Variants in SOX6 observed in about 807,000 individuals in gnomAD.
SOX6 encodes transcription factor SOX-6.
In SOX6, 11 loss-of-function variants were observed where a neutral mutation model predicts 97.8. The ratio of observed to expected loss-of-function variants is 0.11; its 90% CI spans 0.07 to 0.19. The LOEUF (loss-of-function observed/expected upper bound fraction) is 0.19, where lower values mean the gene tolerates loss of function less well. SOX6 is among the 10% of genes least tolerant of loss of function. SOX6 has a pLI of 1.00. For synonymous variants in SOX6, 360 were observed against 371.4 expected (o/e 0.97, Z 0.35); for missense variants, 810 against 1,039.5 (o/e 0.78, Z 3.04).
intron 1 of SOX6, among the ~76,000 whole-genome samples, chr11:16,440,383 C>T (rs561774809): frequency 1.3e-5 from 2 of 152,228 alleles, no homozygotes; most frequent in East Asian, 1.9e-4. Context: ...TAATTTCTAG[C>T]GCAGCCCACA....
intron 2 of SOX6, among the ~76,000 whole-genome samples, chr11:16,327,392 T>C (rs1856134401): frequency 6.6e-6 from 1 of 152,124 alleles, no homozygotes; most frequent in Non-Finnish European, 1.5e-5. Context: ...TGATAACCAC[T>C]GGCACCTTTT....
chr11:16,186,948 A>T lies in SOX6; in HGVS notation c.543T>A (p.Pro181=). 1 of 1,613,802 alleles carries T rather than the reference A, an allele frequency of 6.2e-7. No individual in the cohort carries two copies. The highest frequency in any genetic ancestry group is 8.5e-7 in the Non-Finnish European group (1 of 1,179,794). The change falls in exon 5 of 16, where the codon CCT becomes CCA. Residue 181 remains proline, a synonymous_variant. Coordinates refer to ENST00000683767, the MANE Select transcript of SOX6 (RefSeq NM_001367873.1). ...GCCGTTCTTTTTCTGCCAGGCTCTCAGGTGTACCTAAAATGGAAGCAAGAA... is the reference window on the plus strand; with the variant it reads ...GCCGTTCTTTTTCTGCCAGGCTCTCTGGTGTACCTAAAATGGAAGCAAGAA... The part of the protein sequence containing the change: ...SELLGEIKGT[P]ESLAEKERQL...
intron 3 of SOX6, among the ~76,000 whole-genome samples, chr11:16,308,879 G>C (rs1046383344): frequency 2.6e-5 from 4 of 152,154 alleles, no homozygotes; most frequent in African/African-American, 9.7e-5. Flanking sequence ...GTTGTATTCA[G>C]ATACAACAAA....
At chr11:15,993,024 C>A (rs1854102123) in intron 13 of SOX6, among the ~76,000 whole-genome samples, 2 of 151,962 alleles carry the variant, frequency 1.3e-5, no homozygotes, top group Admixed American at 6.6e-5. Context: ...AGAAAGTGTC[C>A]CTAAACTTTG....
intron 3 of SOX6, among the ~76,000 whole-genome samples, chr11:16,245,643 ATAT>A (rs1196635970): frequency 6.6e-6 from 1 of 151,730 alleles, no homozygotes; most frequent in East Asian, 1.9e-4. Flanking sequence ...ATATGCAGAA[ATAT>A]TATGTCTTCT....
intron 1 of SOX6, among the ~76,000 whole-genome samples, chr11:16,451,777 G>A (rs1859720081): frequency 1.3e-5 from 2 of 152,000 alleles, no homozygotes; most frequent in Non-Finnish European, 2.9e-5. Flanking sequence ...GCTGGCTGAT[G>A]CCTCCCAACA....
In SOX6 at chr11:16,605,726, AT is replaced by A. The variant is rs761305103; in HGVS notation, n.609+6354del. The stretch of plus-strand genomic sequence containing the variant: ...AAACAGCCTAAGTTTCCAAACCGAA[AT>A]GGGGGTGGGGTGGGGGTAGCATTAA... On this transcript the variant is annotated intron_variant and non_coding_transcript_variant, in intron 4 of 5. Transcript: ENST00000524520. This position sits in a 1 kb window ranked among gnomAD's most constrained non-coding sequence, Gnocchi z 5.3. 2.0e-5 allele frequency among the ~76,000 whole-genome samples: 3 copies of A among 151,506 alleles called. No individual in the cohort carries two copies. Among genetic ancestry groups the A allele is most frequent in the Admixed American group, 6.6e-5 (1 of 15,218 alleles).
chr11:16,260,823 A>G (rs1186166882), intron 3 of SOX6, among the ~76,000 whole-genome samples: 1 of 152,120 alleles, frequency 6.6e-6, no homozygotes, highest in Admixed American at 6.6e-5. Flanking sequence ...AAGGTCCCCC[A>G]TGTTCTGGAA....
chr11:16,623,932 A>G (rs2133990706), intron 3 of SOX6, among the ~76,000 whole-genome samples: 1 of 152,276 alleles, frequency 6.6e-6, no homozygotes, highest in Admixed American at 6.5e-5. Context: ...AACTATCAAG[A>G]TATCGAAGAT....
At chr11:16,141,245 T>C (rs2134039300) in intron 6 of SOX6, among the ~76,000 whole-genome samples, 1 of 152,232 alleles carries the variant, frequency 6.6e-6, no homozygotes, top group South Asian at 2.1e-4. Flanking sequence ...ATCATGAGGA[T>C]GTAGTATTTC....
chr11:16,012,472 G>A (rs999726083), intron 13 of SOX6, among the ~76,000 whole-genome samples: 5 of 151,932 alleles, frequency 3.3e-5, no homozygotes, highest in African/African-American at 1.2e-4. Context: ...CTAAAGGGAG[G>A]TTTTCACATG....
At chr11:16,074,042 TAGAGAAACCA>T (rs1417274184) in intron 9 of SOX6, among the ~76,000 whole-genome samples, 13 of 152,088 alleles carry the variant, frequency 8.5e-5, no homozygotes, top group African/African-American at 3.1e-4. Flanking sequence ...CTAGAGGAAC[TAGAGAAACCA>T]AAGCAAATCA....
intron 12 of SOX6, among the ~76,000 whole-genome samples, chr11:16,017,232 G>C (rs1854912356): frequency 1.3e-5 from 2 of 151,840 alleles, no homozygotes; most frequent in African/African-American, 4.8e-5. Flanking sequence ...CACATTCACA[G>C]TGTCTTTGAA....
intron 2 of SOX6, among the ~76,000 whole-genome samples, chr11:16,720,057 G>A (rs1433130741): frequency 6.6e-6 from 1 of 152,158 alleles, no homozygotes; most frequent in Non-Finnish European, 1.5e-5. Flanking sequence ...ATGCAAGGCT[G>A]GTTCAATATA....
At chr11:16,558,030 T>G (rs79212007) in intron 4 of SOX6, among the ~76,000 whole-genome samples, 1,845 of 151,990 alleles carry the variant, frequency 0.012, 31 homozygotes, top group African/African-American at 0.041. Flanking sequence ...TCTAAAATAT[T>G]TTTTCTCTAC....
At chr11:16,263,002 C>A (rs1853949844) in intron 3 of SOX6, among the ~76,000 whole-genome samples, 1 of 151,950 alleles carries the variant, frequency 6.6e-6, no homozygotes, top group South Asian at 2.1e-4. Flanking sequence ...AAGTTATCCA[C>A]CGCCAGATGA....
chr11:16,020,744 G>A (rs1277066647), intron 12 of SOX6, among the ~76,000 whole-genome samples: 1 of 152,050 alleles, frequency 6.6e-6, no homozygotes, highest in Admixed American at 6.6e-5. Flanking sequence ...TTAGCCCCTA[G>A]TTACATACTA....
intron 4 of SOX6, among the ~76,000 whole-genome samples, chr11:16,209,582 C>G (rs1215929776): frequency 6.6e-6 from 1 of 151,968 alleles, no homozygotes; most frequent in Non-Finnish European, 1.5e-5. Context: ...ATGGCAAAAC[C>G]CCGTCTCTAC....
At chr11:16,555,024 T>C (rs192280060) in intron 4 of SOX6, among the ~76,000 whole-genome samples, 1 of 152,098 alleles carries the variant, frequency 6.6e-6, no homozygotes, top group African/African-American at 2.4e-5. Context: ...ATTGACTACT[T>C]AAAAGATGTA....
Sources: gnomAD v4.1 joint callset for allele counts (sites outside exome capture counted in the v4.1 genomes callset) on GRCh38, gnomAD v4.1.1 for gene constraint, Gnocchi (gnomAD v3.1) non-coding constraint, MANE v1.5 for transcripts, NCBI Gene and HGNC (gene_info 2026-07-23, HGNC 2026-07-21) for gene names.